Variants in GLIS3 observed in about 807,000 individuals in gnomAD.
GLIS3 encodes zinc finger protein GLIS3.
Under a neutral mutation model 78.6 loss-of-function variants are expected in GLIS3, and 53 were observed. That is an observed-to-expected ratio of 0.67 (90% CI 0.54 to 0.85). The LOEUF (loss-of-function observed/expected upper bound fraction) is 0.85. Ranked by LOEUF, GLIS3 falls within the 40% of genes least tolerant of loss-of-function variation. GLIS3 has a pLI of 0.00. For synonymous variants in GLIS3, 684 were observed against 509.9 expected (o/e 1.34, Z -4.60); for missense variants, 1,703 against 1,231.1 (o/e 1.38, Z -5.74).
chr9:4,489,428 G>C, the GLIS3 span, among the ~76,000 whole-genome samples: 8 of 152,160 alleles, frequency 5.3e-5, no homozygotes, highest in African/African-American at 1.7e-4. Context: ...AATCAGAGTA[G>C]ATTCTACAAT....
chr9:4,381,343 A>C, the GLIS3 span, among the ~76,000 whole-genome samples: 1 of 152,206 alleles, frequency 6.6e-6, no homozygotes, highest in South Asian at 2.1e-4. Context: ...ATGATTATCA[A>C]ATTTTTTCAC....
At chr9:3,963,166 C>G (rs973455696) in intron 4 of GLIS3, among the ~76,000 whole-genome samples, 1 of 152,142 alleles carries the variant, frequency 6.6e-6, no homozygotes, top group African/African-American at 2.4e-5. Flanking sequence ...CTTTGAAAGA[C>G]TTATTTTTGT....
upstream of GLIS3, among the ~76,000 whole-genome samples, chr9:4,348,735 T>C (rs556769610): frequency 6.6e-6 from 1 of 152,014 alleles, no homozygotes; most frequent in Non-Finnish European, 1.5e-5. Context: ...AGTTATGTTT[T>C]AGAGGAATCT....
the GLIS3 span, among the ~76,000 whole-genome samples, chr9:4,372,617 T>C: frequency 6.6e-6 from 1 of 151,322 alleles, no homozygotes; most frequent in Non-Finnish European, 1.5e-5. Flanking sequence ...GGAATTTGCG[T>C]CAAATTTAAG....
At chr9:4,043,455 G>T (rs1039880281) in intron 4 of GLIS3, among the ~76,000 whole-genome samples, 3 of 152,036 alleles carry the variant, frequency 2.0e-5, no homozygotes, top group African/African-American at 7.2e-5. Context: ...AATCAGGTAC[G>T]GCTGGTTTGG....
At chr9:3,843,790 A>AT (rs1236795690) in intron 9 of GLIS3, among the ~76,000 whole-genome samples, 2 of 152,220 alleles carry the variant, frequency 1.3e-5, no homozygotes, top group Non-Finnish European at 2.9e-5. Context: ...TCCCTGAATG[A>AT]TTTTGTCACA....
rs547892537 is a variant in GLIS3 at position 4,238,316 on chromosome 9, CAGA to C, written c.388+47719_388+47721del. On this transcript the variant is annotated intron_variant, in intron 2 of 10. Transcript: ENST00000381971. ...TAAGCTCTGCCCAGAATAGATGACACAGAAGGAGAGGGAATTGTTGTTTTGGTG... is the reference window on the plus strand; with the variant it reads ...TAAGCTCTGCCCAGAATAGATGACACAGGAGAGGGAATTGTTGTTTTGGTG... 6.8e-4 allele frequency among the ~76,000 whole-genome samples: 103 copies of C among 152,188 alleles called. No individual in the cohort carries two copies. The South Asian group carries it at 9.3e-3, about 14-fold the overall frequency.
chr9:3,955,861 C>G, intron 4 of GLIS3, among the ~76,000 whole-genome samples: 1 of 151,902 alleles, frequency 6.6e-6, no homozygotes, highest in African/African-American at 2.4e-5. Flanking sequence ...GAGGAAAAAT[C>G]TGGGAGAAGA....
chr9:3,965,324 G>A (rs1192577762), intron 4 of GLIS3, among the ~76,000 whole-genome samples: 1 of 150,418 alleles, frequency 6.6e-6, no homozygotes, highest in Non-Finnish European at 1.5e-5. Flanking sequence ...CTCCCGAATA[G>A]CTGGGACTAC....
intron 6 of GLIS3, among the ~76,000 whole-genome samples, chr9:3,924,037 A>G (rs1237839637): frequency 1.3e-5 from 2 of 152,248 alleles, no homozygotes; most frequent in Admixed American, 6.5e-5. Flanking sequence ...CCCATGGTCT[A>G]TGAGCCCCAA....
chr9:4,321,248 G>A (rs1162223428), intron 2 of GLIS3, among the ~76,000 whole-genome samples: 12 of 135,438 alleles, frequency 8.9e-5, no homozygotes, highest in Non-Finnish European at 1.4e-4. Flanking sequence ...GTGAAACCCC[G>A]TCTCTACTAA....
intron 8 of GLIS3, among the ~76,000 whole-genome samples, chr9:3,862,093 C>T (rs902198821): frequency 1.3e-5 from 2 of 151,922 alleles, no homozygotes; most frequent in Admixed American, 6.6e-5. Context: ...CAAATTCATA[C>T]AATTATAGAA....
chr9:3,875,220 G>A (rs1297371381), intron 8 of GLIS3, among the ~76,000 whole-genome samples: 2 of 152,266 alleles, frequency 1.3e-5, no homozygotes, highest in East Asian at 1.9e-4. Flanking sequence ...ACCACTTCCC[G>A]TAATAAGTTA....
chr9:3,838,335 C>T (rs75089441), intron 9 of GLIS3, among the ~76,000 whole-genome samples: 1 of 152,110 alleles, frequency 6.6e-6, no homozygotes, highest in Non-Finnish European at 1.5e-5. Context: ...CACCCCAGTA[C>T]TTAAGAGAGA....
chr9:4,467,388 G>A, the GLIS3 span, among the ~76,000 whole-genome samples: 2 of 152,188 alleles, frequency 1.3e-5, no homozygotes, highest in African/African-American at 4.8e-5. Flanking sequence ...CCCAGTAGGT[G>A]GCCACTGATA....
Position 4,117,985 on chromosome 9 carries a change from C to T in GLIS3, c.1493G>A (p.Gly498Asp), listed in dbSNP as rs1449156950. ...GTCGATCCAGCGGCAGCAATGCTTG[C>T]CCCCGATGCCGTCCATCTCCCCGTC... is the stretch of plus-strand genomic sequence containing the variant. The part of the protein sequence containing the change: ...DDDGEMDGIG[G>D]KHCCRWIDCS... Residue 498 changes from glycine to aspartate, a missense_variant, in exon 4 of 11, where the codon GGC becomes GAC. Transcript: ENST00000381971. 1.2e-6 allele frequency: 2 copies of T among 1,612,068 alleles called. No individual in the cohort carries two copies. The highest frequency in any genetic ancestry group is 1.3e-5 in the African/African-American group (1 of 75,032).
chr9:4,409,970 G>A, the GLIS3 span, among the ~76,000 whole-genome samples: 363 of 152,094 alleles, frequency 2.4e-3, 1 homozygote, highest in Admixed American at 6.3e-3. Context: ...GGTTTTGGGA[G>A]GTCTGTATGG....
At chr9:4,441,295 T>G in the GLIS3 span, among the ~76,000 whole-genome samples, 2 of 152,254 alleles carry the variant, frequency 1.3e-5, no homozygotes, top group South Asian at 2.1e-4. Flanking sequence ...GGGTCTGTCA[T>G]ACATGGCTTT....
chr9:4,139,047 G>T (rs1160482514), intron 2 of GLIS3, among the ~76,000 whole-genome samples: 2 of 152,142 alleles, frequency 1.3e-5, no homozygotes, highest in Admixed American at 6.5e-5. Context: ...GTGAGACCAG[G>T]CTGGGAAGAG....
Sources: allele counts gnomAD v4.1 joint callset (sites outside exome capture counted in the v4.1 genomes callset), GRCh38; gene constraint gnomAD v4.1.1; transcripts MANE v1.5; gene names NCBI Gene and HGNC (gene_info 2026-07-23, HGNC 2026-07-21).